The following SLC38A9 variants were observed in gnomAD, a reference collection of about 807,000 sequenced individuals.
The protein encoded by SLC38A9 is solute carrier family 38 member 9.
In SLC38A9, 48 loss-of-function variants were observed where a neutral mutation model predicts 62.3. The ratio of observed to expected loss-of-function variants is 0.77; its 90% CI spans 0.61 to 0.98. The LOEUF is 0.98. Among genes scored for constraint, SLC38A9 ranks in the 50% least tolerant of loss-of-function variants. The probability of loss-of-function intolerance (pLI) is 0.00; values close to 1 mark genes in which losing one functional copy is unlikely to be tolerated. For synonymous variants in SLC38A9, 204 were observed against 227.7 expected, an observed-to-expected ratio of 0.90 and a Z score of 0.94; for missense variants, 541 against 679.8, an observed-to-expected ratio of 0.80 and a Z score of 2.27.
intron 14 of SLC38A9, among the ~76,000 whole-genome samples, chr5:55,629,017 C>T (rs554241905): frequency 6.2e-4 from 94 of 151,724 alleles, no homozygotes; most frequent in African/African-American, 2.1e-3. Context: ...TAGTCATATA[C>T]CCTGATGAAT....
intron 2 of SLC38A9, among the ~76,000 whole-genome samples, chr5:55,701,432 C>T (rs1437034054): frequency 6.6e-6 from 1 of 152,196 alleles, no homozygotes; most frequent in Admixed American, 6.5e-5. Context: ...TAGAATCACT[C>T]ATGACTTCTT....
At chr5:55,637,547 A>G (rs1013879587) in intron 12 of SLC38A9, among the ~76,000 whole-genome samples, 1 of 152,190 alleles carries the variant, frequency 6.6e-6, no homozygotes, top group African/African-American at 2.4e-5. Flanking sequence ...TTTTTTCTTC[A>G]AATGTGTCTG....
In SLC38A9 at chr5:55,665,790, C is replaced by G. The variant is rs1005646166; in HGVS notation, c.527-927G>C. 1.9e-4 allele frequency among the ~76,000 whole-genome samples: 29 copies of G among 151,824 alleles called. No homozygotes were observed. In the South Asian group the frequency reaches 2.1e-3, roughly 11 times the overall value. ...ACCAGCCTGAGCAACATGGCAAAAC[C>G]CCATATTTAAAAAAATACAAAAATT... is the stretch of plus-strand genomic sequence containing the variant. On this transcript the variant is annotated intron_variant, in intron 7 of 15. Coordinates refer to ENST00000396865, the MANE Select transcript of SLC38A9 (RefSeq NM_173514.4).
chr5:55,695,425 C>G lies in SLC38A9; in HGVS notation c.113+2421G>C, dbSNP rs62363569. On this transcript the variant is annotated intron_variant, in intron 3 of 15. Coordinates refer to ENST00000396865, the MANE Select transcript of SLC38A9 (RefSeq NM_173514.4). ...CAGAGGACCCTGCGGCCTTCTGCAG[C>G]GGTTGTGTCCCTGGGTACTTGAGAT... Among the ~76,000 whole-genome samples the G allele has an allele frequency of 2.3e-5, 2 of 88,188 alleles. 1 individual carries two copies. Among genetic ancestry groups the G allele is most frequent in the African/African-American group, 7.0e-5 (2 of 28,638 alleles). The allele number at this position is 88,188 out of a possible 152,430, so 57.9% of individuals were successfully genotyped here. A position where few individuals can be genotyped will look rare whatever the true frequency, so the allele number is the denominator to read the frequency against.
chr5:55,652,595 C>A lies in SLC38A9; in HGVS notation c.886G>T (p.Val296Leu), dbSNP rs1254096724. ...DKSRTVPFYL[V>L]GLLLPLLNFK... Reference sequence around the variant, plus strand: ...TTGAGCAGTGGGAGGAGGAGCCCTACAAGATAAAAGGGGACTGTCCTGGAC... The same window carrying A: ...TTGAGCAGTGGGAGGAGGAGCCCTAAAAGATAAAAGGGGACTGTCCTGGAC... The change falls in exon 10 of 16, where the codon GTA (valine) becomes TTA (leucine). Residue 296 changes from valine (V) to leucine (L), a missense_variant. By Grantham distance (32) the Val-to-Leu change is conservative. Coordinates refer to ENST00000396865, the MANE Select transcript of SLC38A9 (RefSeq NM_173514.4). The A allele has an allele frequency of 6.2e-7, 1 of 1,612,400 alleles. No individual in the cohort carries two copies. Among genetic ancestry groups the A allele is most frequent in the Admixed American group, 1.7e-5 (1 of 59,936 alleles).
rs189129390 is a variant in SLC38A9, at chr5:55,658,241, C to A, written c.698-1467G>T. On this transcript the variant is annotated intron_variant, in intron 8 of 15. Transcript: ENST00000396865. ...TAGAGTCGCATGACTGCAACCTCCA[C>A]CTCCCAGGTTCAAGAAATTCTCCTG... 1.2e-4 allele frequency among the ~76,000 whole-genome samples: 19 copies of A among 152,270 alleles called. No homozygotes were observed. The East Asian group carries it at 3.7e-3, about 29-fold the overall frequency.
chr5:55,711,656 C>G (rs1261645933), intron 1 of SLC38A9, among the ~76,000 whole-genome samples, 157 bp from the exon 2 acceptor site: 2 of 152,182 alleles, frequency 1.3e-5, no homozygotes, highest in Non-Finnish European at 2.9e-5. Flanking sequence ...TGGCCCTCAC[C>G]CCCTCTGTGG....
intron 11 of SLC38A9, among the ~76,000 whole-genome samples, chr5:55,647,940 A>G (rs1746685526): frequency 2.6e-5 from 4 of 152,182 alleles, no homozygotes; most frequent in African/African-American, 9.7e-5. Flanking sequence ...ATCCCATTGT[A>G]CAGATATACC....
chr5:55,701,156 A>C (rs1561444876), intron 2 of SLC38A9, among the ~76,000 whole-genome samples: 3 of 152,198 alleles, frequency 2.0e-5, no homozygotes, highest in Non-Finnish European at 1.5e-5. Context: ...GTATAGACAT[A>C]AACATTTTTC....
At chr5:55,700,956 G>T (rs1170890535) in intron 2 of SLC38A9, among the ~76,000 whole-genome samples, 1 of 152,052 alleles carries the variant, frequency 6.6e-6, no homozygotes, top group African/African-American at 2.4e-5. Context: ...ACCTACCCTT[G>T]ATCTCTTGGT....
intron 3 of SLC38A9, among the ~76,000 whole-genome samples, chr5:55,689,355 T>C (rs1225724186): frequency 6.6e-6 from 1 of 152,208 alleles, no homozygotes; most frequent in Non-Finnish European, 1.5e-5. Context: ...AATCTCAATG[T>C]GTAATTTTCA....
At chr5:55,634,001 C>A in intron 13 of SLC38A9, 99 bp from the exon 14 acceptor site, 1 of 896,244 alleles carries the variant, frequency 1.1e-6, no homozygotes, top group Non-Finnish European at 1.7e-6. Flanking sequence ...ACAGGTGCTA[C>A]TCCGATTGTG....
chr5:55,661,402 G>GC (rs1458329182), intron 8 of SLC38A9, among the ~76,000 whole-genome samples: 2 of 125,384 alleles, frequency 1.6e-5, no homozygotes, highest in African/African-American at 6.3e-5. Context: ...CCGAGATCTC[G>GC]CCCCGGCACT....
At chr5:55,701,984 T>C (rs971921400) in intron 2 of SLC38A9, among the ~76,000 whole-genome samples, 9 of 152,238 alleles carry the variant, frequency 5.9e-5, no homozygotes, top group African/African-American at 2.2e-4. Flanking sequence ...CTGTTACTTG[T>C]TACTGCCCAG....
chr5:55,665,012 A>C (rs1184110964), intron 7 of SLC38A9, 149 bp from the exon 8 acceptor site: 1 of 398,448 alleles, frequency 2.5e-6, no homozygotes, highest in Non-Finnish European at 4.5e-6. Flanking sequence ...AGATAATAAA[A>C]TTAAAACATT....
In SLC38A9 at chr5:55,679,842, G is replaced by A. The variant is rs868361621; in HGVS notation, c.114-7147C>T. Among the ~76,000 whole-genome samples the A allele has an allele frequency of 5.9e-5, 9 of 152,178 alleles. 1 individual carries two copies. Among genetic ancestry groups the A allele is most frequent in the Admixed American group, 2.6e-4 (4 of 15,276 alleles). On this transcript the variant is annotated intron_variant, in intron 3 of 15. Transcript: ENST00000396865. ...GAATGTGGAAAAAATTCCCAAGTGG[G>A]AAAGTTTTCCAAGCAGCTTCTCCTT...
intron 11 of SLC38A9, among the ~76,000 whole-genome samples, chr5:55,646,256 C>A (rs6450332): frequency 0.6 from 90,466 of 151,942 alleles, 27,597 homozygotes; most frequent in South Asian, 0.7. Flanking sequence ...CTGTAATCCC[C>A]GCTACTTGGG....
At chr5:55,634,224 T>C (rs191434600) in intron 13 of SLC38A9, 2 of 181,308 alleles carry the variant, frequency 1.1e-5, no homozygotes, top group African/African-American at 4.7e-5. Context: ...GAGAAAGCAT[T>C]GCTTTATGTG....
chr5:55,634,124 T>C (rs1743972111), intron 13 of SLC38A9: 2 of 370,508 alleles, frequency 5.4e-6, no homozygotes, highest in Admixed American at 4.4e-5. Flanking sequence ...TTGCCACAAT[T>C]TTATTCTATT....
Sources: gnomAD v4.1 joint callset for allele counts (sites outside exome capture counted in the v4.1 genomes callset) on GRCh38, gnomAD v4.1.1 for gene constraint, MANE v1.5 for transcripts, NCBI Gene and HGNC (gene_info 2026-07-23, HGNC 2026-07-21) for gene names.